Variants in MYOF observed in about 807,000 individuals in gnomAD.
MYOF encodes the protein myoferlin.
A neutral mutation model predicts 284.2 loss-of-function variants in MYOF; 244 were observed. That is an observed-to-expected ratio of 0.86 (90% CI 0.77 to 0.95). The LOEUF (loss-of-function observed/expected upper bound fraction) is 0.95. MYOF is among the 40% of genes least tolerant of loss of function. MYOF has a pLI of 0.00. For synonymous variants in MYOF, 904 were observed against 919.7 expected (o/e 0.98, Z 0.31); for missense variants, 2,496 against 2,560.6 (o/e 0.97, Z 0.54).
chr10:93,383,077 G>A (rs923667143), intron 19 of MYOF, among the ~76,000 whole-genome samples: 1 of 151,946 alleles, frequency 6.6e-6, no homozygotes, highest in Admixed American at 6.6e-5. Context: ...TGTATTTTTA[G>A]TAGACACGGG....
At chr10:93,432,591 T>A (rs916055771) in intron 3 of MYOF, among the ~76,000 whole-genome samples, 1 of 152,150 alleles carries the variant, frequency 6.6e-6, no homozygotes, top group African/African-American at 2.4e-5. Context: ...AATAGGTTGC[T>A]AGTTCACTGA....
At position 93,319,876 on chromosome 10, in the gene MYOF, T is replaced by C. The variant is rs780003234; in HGVS notation, c.5594A>G (p.Lys1865Arg). ...GCGGCATATTTCAGAGCTCACTTTT[T>C]TCGCAACGATACAGAGTTGTTCGGC... ...LPAEQLCIVA[K>R]KEHFWSIDQT... The change falls in exon 49 of 54, where the codon AAA becomes AGA. Residue 1865 changes from lysine (K) to arginine (R), a missense_variant. Lys to Arg is a conservative substitution (Grantham distance 26, BLOSUM62 2). Around this residue, in one of 3 missense-constraint regions of MYOF, gnomAD observed 2,436 missense variants for 2,480.7 expected, o/e 0.98. Coordinates refer to ENST00000359263, the MANE Select transcript of MYOF (RefSeq NM_013451.4). 15 of 1,613,968 alleles carry C rather than the reference T, an allele frequency of 9.3e-6. No individual in the cohort carries two copies. In the East Asian group the frequency reaches 3.3e-4, roughly 36 times the overall value.
intron 9 of MYOF, 131 bp from the exon 10 acceptor site, chr10:93,403,021 G>A (rs138213675): frequency 5.6e-5 from 42 of 744,776 alleles, no homozygotes; most frequent in African/African-American, 3.9e-4. Context: ...CAACATTTCC[G>A]TCTTATCCTC....
chr10:93,470,924 T>G (rs1258569371), intron 1 of MYOF, among the ~76,000 whole-genome samples: 11 of 151,926 alleles, frequency 7.2e-5, no homozygotes, highest in Non-Finnish European at 1.5e-5. Flanking sequence ...AGACAGGGAG[T>G]GTCCTAGCAA....
intron 19 of MYOF, among the ~76,000 whole-genome samples, chr10:93,382,243 TTTTC>T (rs144226613): frequency 0.056 from 8,495 of 152,088 alleles, 319 homozygotes; most frequent in Middle Eastern, 0.12. Context: ...TTTTTCTCTA[TTTTC>T]TTTTTTTTTG....
Position 93,468,576 on chromosome 10 carries a change from T to G in MYOF, c.89-11639A>C, listed in dbSNP as rs74369406. ...TTGAAAACAAATGCAAAGCGCGGAG[T>G]GAAAAATCTTGATAATTAGATCCTA... is the stretch of plus-strand genomic sequence containing the variant. On this transcript the variant is annotated intron_variant, in intron 1 of 53. Coordinates refer to ENST00000359263, the MANE Select transcript of MYOF (RefSeq NM_013451.4). 3.4e-4 allele frequency among the ~76,000 whole-genome samples: 51 copies of G among 152,066 alleles called. No homozygotes were observed. The East Asian group carries it at 9.5e-3, about 28-fold the overall frequency.
rs1398405703 is a variant in MYOF at position 93,431,498 on chromosome 10, A to G, written c.255T>C (p.Thr85=). The G allele has an allele frequency of 1.2e-6, 2 of 1,613,854 alleles. No individual in the cohort carries two copies. Among genetic ancestry groups the G allele is most frequent in the Non-Finnish European group, 1.7e-6 (2 of 1,179,822 alleles). ...IGQNKLIGTA[T]VALKDLTGDQ... is the part of the protein sequence containing the mutation. ...CACCAGTCAGGTCCTTCAGGGCTAC[A>G]GTCGCCGTGCCAATTAATCTGCAGG... Residue 85 remains threonine (T), a synonymous_variant, in exon 4 of 54, where the codon ACT becomes ACC. Transcript: ENST00000359263.
At chr10:93,377,479 A>G in intron 21 of MYOF, 50 bp from the exon 22 acceptor site, 4 of 1,297,748 alleles carry the variant, frequency 3.1e-6, no homozygotes, top group Non-Finnish European at 4.4e-6. Flanking sequence ...TCATTATGCC[A>G]TTATACCTTT....
intron 4 of MYOF, among the ~76,000 whole-genome samples, chr10:93,430,648 G>T (rs192182009): frequency 5.3e-5 from 8 of 151,166 alleles, no homozygotes; most frequent in African/African-American, 1.7e-4. Flanking sequence ...TCAATGAACT[G>T]CCTTCTACAG....
intron 1 of MYOF, among the ~76,000 whole-genome samples, chr10:93,465,528 T>TTTTTC (rs201809257): frequency 0.17 from 17,712 of 102,192 alleles, 2,030 homozygotes; most frequent in East Asian, 0.49. Flanking sequence ...TTCTTTCTTT[T>TTTTTC]TTTTCTTTTC....
intron 48 of MYOF, among the ~76,000 whole-genome samples, chr10:93,321,938 T>G (rs1842858827): frequency 6.6e-6 from 1 of 152,192 alleles, no homozygotes; most frequent in Non-Finnish European, 1.5e-5. Context: ...AAGTTGAGCT[T>G]TATTCTCTGA....
intron 43 of MYOF, among the ~76,000 whole-genome samples, chr10:93,332,890 G>C (rs1843395953): frequency 6.6e-6 from 1 of 152,100 alleles, no homozygotes; most frequent in Non-Finnish European, 1.5e-5. Context: ...AGAGTTGCGA[G>C]ATTTTTTTGA....
At chr10:93,401,792 CGTGTGT>C (rs57326000) in intron 11 of MYOF, among the ~76,000 whole-genome samples, 18,867 of 94,260 alleles carry the variant, frequency 0.2, 1,528 homozygotes, top group African/African-American at 0.3. Flanking sequence ...AGAGCCTGTG[CGTGTGT>C]GTGTGTGTGT....
chr10:93,323,851 T>G (rs896231673), intron 46 of MYOF, among the ~76,000 whole-genome samples: 2 of 152,268 alleles, frequency 1.3e-5, no homozygotes, highest in African/African-American at 4.8e-5. Context: ...CAAGGGTTTC[T>G]CTACTTACCT....
chr10:93,436,286 C>T (rs1423177287), intron 3 of MYOF, among the ~76,000 whole-genome samples: 2 of 152,108 alleles, frequency 1.3e-5, no homozygotes, highest in African/African-American at 2.4e-5. Flanking sequence ...AGTTTCCCTT[C>T]CCCCAGAGAG....
chr10:93,321,412 C>CTTTTTTTTTTTTTTTTTTTTTTTTTT (rs35765868), intron 48 of MYOF, among the ~76,000 whole-genome samples: 1 of 121,188 alleles, frequency 8.3e-6, no homozygotes, highest in African/African-American at 2.9e-5. Context: ...GACTATTAAC[C>CTTTTTTTTTTTTTTTTTTTTTTTTTT]TTTTTTTTTT....
intron 42 of MYOF, 74 bp downstream of exon 42, chr10:93,333,684 G>C: frequency 6.4e-7 from 1 of 1,560,978 alleles, no homozygotes; most frequent in Non-Finnish European, 8.7e-7. Flanking sequence ...CAGAAAGAAA[G>C]AACATGACAA....
At chr10:93,381,189 T>A (rs760193376) in intron 20 of MYOF, 30 bp downstream of exon 20, 25 of 1,611,532 alleles carry the variant, frequency 1.6e-5, no homozygotes, top group Non-Finnish European at 2.0e-5. Context: ...ATTGTAAACG[T>A]GTGGAGAGAA....
In MYOF at chr10:93,313,225, A is replaced by G; in HGVS notation, c.5699-15T>C. On this transcript the variant is annotated splice_polypyrimidine_tract_variant and intron_variant, in intron 50 of 53. Coordinates refer to ENST00000359263, the MANE Select transcript of MYOF (RefSeq NM_013451.4). ...TTCTAGGAAACCTAGCCAAGGAAAC[A>G]ACAGTAAGTCCAAATGAGCTTCAAG... is the stretch of plus-strand genomic sequence containing the variant. 1.9e-6 allele frequency: 3 copies of G among 1,609,502 alleles called. No homozygotes were observed. Among genetic ancestry groups the G allele is most frequent in the Non-Finnish European group, 2.5e-6 (3 of 1,177,480 alleles).
Sources: gnomAD v4.1 joint callset for allele counts (sites outside exome capture counted in the v4.1 genomes callset) on GRCh38, gnomAD v4.1.1 for gene constraint, gnomAD v4.1.1 regional missense constraint, MANE v1.5 for transcripts, NCBI Gene and HGNC (gene_info 2026-07-23, HGNC 2026-07-21) for gene names.